Variants in CYB5B observed in about 807,000 individuals in gnomAD.
The protein encoded by CYB5B is cytochrome b5 type B (outer mitochondrial membrane).
In CYB5B, 14 loss-of-function variants were observed where a neutral mutation model predicts 21.3. The observed-to-expected ratio is 0.66, with a 90% CI of 0.43 to 1.03. The LOEUF (loss-of-function observed/expected upper bound fraction) is 1.03. Among genes scored for constraint, CYB5B ranks in the 50% least tolerant of loss-of-function variants. CYB5B has a pLI of 0.00. For missense variants in CYB5B, 166 were observed against 185.1 expected (o/e 0.90, Z 0.60); for synonymous variants, 69 against 68.4 (o/e 1.01, Z -0.04).
chr16:69,462,499 A>T lies in CYB5B; in HGVS notation c.432A>T (p.Thr144=). Residue 144 remains threonine, a synonymous_variant, in exon 5 of 5, where the codon ACA becomes ACT. Transcript: ENST00000307892. ...VLLGFLYRYY[T]SESKSS Reference sequence around the variant, plus strand: ...TAGGTTTCCTGTACCGCTACTACACATCGGAAAGCAAATCCTCCTGAGGAG... The same window carrying T: ...TAGGTTTCCTGTACCGCTACTACACTTCGGAAAGCAAATCCTCCTGAGGAG... The T allele has an allele frequency of 6.2e-7, 1 of 1,614,062 alleles. No individual in the cohort carries two copies. The highest frequency in any genetic ancestry group is 2.2e-5 in the East Asian group (1 of 44,876).
intron 1 of CYB5B, among the ~76,000 whole-genome samples, chr16:69,445,044 A>G: frequency 6.6e-6 from 1 of 152,236 alleles, no homozygotes; most frequent in East Asian, 1.9e-4. Context: ...AAATTCAGTC[A>G]TTCCCTGAAA....
At chr16:69,427,323 C>G (rs181406484) in intron 1 of CYB5B, among the ~76,000 whole-genome samples, 53 of 151,912 alleles carry the variant, frequency 3.5e-4, no homozygotes, top group Admixed American at 3.5e-3. Flanking sequence ...AGATGGTGAG[C>G]TTGGAGGGAA....
At chr16:69,427,838 A>G (rs532064160) in intron 1 of CYB5B, among the ~76,000 whole-genome samples, 2 of 152,176 alleles carry the variant, frequency 1.3e-5, no homozygotes, top group South Asian at 4.1e-4. Flanking sequence ...TACTAAAAAT[A>G]CAAAAAAATT....
chr16:69,445,971 T>G (rs999134468), intron 1 of CYB5B, among the ~76,000 whole-genome samples: 2 of 152,056 alleles, frequency 1.3e-5, no homozygotes, highest in African/African-American at 4.8e-5. Flanking sequence ...AAAAAAAATT[T>G]TTTTTCAGAA....
intron 4 of CYB5B, among the ~76,000 whole-genome samples, chr16:69,461,216 A>AG (rs991282618): frequency 1.5e-4 from 23 of 151,508 alleles, no homozygotes; most frequent in African/African-American, 5.6e-4. Flanking sequence ...AAAAAAAAAA[A>AG]GAAAGAAAGA....
intron 1 of CYB5B, among the ~76,000 whole-genome samples, chr16:69,426,612 G>A (rs1158631677): frequency 6.6e-6 from 1 of 150,674 alleles, no homozygotes; most frequent in Non-Finnish European, 1.5e-5. Flanking sequence ...GGCTGAGGCA[G>A]GAGAATCACT....
chr16:69,424,635 C>A lies in CYB5B; in HGVS notation c.-49C>A. On this transcript the variant is annotated 5_prime_UTR_variant, in exon 1 of 5. Coordinates refer to ENST00000307892, the MANE Select transcript of CYB5B (RefSeq NM_030579.3). ...GAAGCCGAGGAAGGCTGAGCGCGGG[C>A]TCTCAAGGAAAGTAGTCGCGGAATC... 6.7e-7 allele frequency: 1 copy of A among 1,492,774 alleles called. No homozygotes were observed. Among genetic ancestry groups the A allele is most frequent in the South Asian group, 1.4e-5 (1 of 73,948 alleles). The allele number at this position is 1,492,774 out of a possible 1,614,324, so 92.5% of individuals were successfully genotyped here.
intron 3 of CYB5B, 154 bp downstream of exon 3, chr16:69,448,298 T>A (rs1194078277): frequency 1.3e-6 from 1 of 794,658 alleles, no homozygotes; most frequent in African/African-American, 1.7e-5. Context: ...CTCAGTATCA[T>A]CTCAGGAATA....
chr16:69,426,548 T>C (rs1308500946), intron 1 of CYB5B, among the ~76,000 whole-genome samples: 2 of 145,372 alleles, frequency 1.4e-5, no homozygotes, highest in Non-Finnish European at 3.0e-5. Context: ...CTACTAAAAA[T>C]ACAAAAATTA....
chr16:69,425,607 C>T (rs756548441), intron 1 of CYB5B, among the ~76,000 whole-genome samples: 2 of 152,002 alleles, frequency 1.3e-5, no homozygotes, highest in Non-Finnish European at 2.9e-5. Context: ...AATGTACATA[C>T]GTAAATTGTG....
intron 1 of CYB5B, among the ~76,000 whole-genome samples, chr16:69,427,493 C>A (rs911455881): frequency 4.6e-5 from 7 of 151,942 alleles, no homozygotes; most frequent in African/African-American, 1.7e-4. Flanking sequence ...CAAGGTTTCT[C>A]TTGGAGCTTG....
chr16:69,439,453 C>T (rs2014796944), intron 1 of CYB5B, among the ~76,000 whole-genome samples: 3 of 152,166 alleles, frequency 2.0e-5, no homozygotes, highest in South Asian at 4.1e-4. Flanking sequence ...TCATGATCCG[C>T]CCACGTTGGC....
At chr16:69,446,514 C>G (rs777342228) in intron 1 of CYB5B, among the ~76,000 whole-genome samples, 9 of 152,104 alleles carry the variant, frequency 5.9e-5, no homozygotes, top group Non-Finnish European at 1.2e-4. Flanking sequence ...TTAGTACAGA[C>G]GGGTTCACCA....
At chr16:69,439,830 G>C (rs1454657043) in intron 1 of CYB5B, among the ~76,000 whole-genome samples, 2 of 151,976 alleles carry the variant, frequency 1.3e-5, no homozygotes, top group Non-Finnish European at 2.9e-5. Flanking sequence ...GCCTCCCAAA[G>C]TGCTGGGATT....
chr16:69,447,642 CA>C (rs3035743), intron 2 of CYB5B, among the ~76,000 whole-genome samples: 58 of 134,016 alleles, frequency 4.3e-4, no homozygotes, highest in East Asian at 1.3e-3. Flanking sequence ...GACTCTGTCT[CA>C]AAAAAAAAAA....
At chr16:69,427,967 G>A (rs2014665791) in intron 1 of CYB5B, among the ~76,000 whole-genome samples, 1 of 146,956 alleles carries the variant, frequency 6.8e-6, no homozygotes, top group Non-Finnish European at 1.5e-5. Flanking sequence ...TTGCACTCCA[G>A]CCTGGGCGAC....
At chr16:69,439,500 C>T (rs750998431) in intron 1 of CYB5B, among the ~76,000 whole-genome samples, 8 of 151,120 alleles carry the variant, frequency 5.3e-5, no homozygotes, top group Non-Finnish European at 1.0e-4. Context: ...TGAGCCACCA[C>T]GCCCGGCCTG....
chr16:69,437,213 T>A (rs1255834060), intron 1 of CYB5B, among the ~76,000 whole-genome samples: 4 of 152,240 alleles, frequency 2.6e-5, no homozygotes, highest in African/African-American at 9.6e-5. Flanking sequence ...GGTTGCAGTA[T>A]AGTTTATTTG....
chr16:69,435,839 A>G (rs2014754885), intron 1 of CYB5B, among the ~76,000 whole-genome samples: 1 of 151,996 alleles, frequency 6.6e-6, no homozygotes. Flanking sequence ...GGGTTTCCCC[A>G]TGTTGGTCAG....
Sources: gnomAD v4.1 joint callset for allele counts (sites outside exome capture counted in the v4.1 genomes callset) on GRCh38, gnomAD v4.1.1 for gene constraint, MANE v1.5 for transcripts, NCBI Gene and HGNC (gene_info 2026-07-23, HGNC 2026-07-21) for gene names.